Variants in AMMECR1L observed in about 807,000 individuals in gnomAD.
The protein encoded by AMMECR1L is AMMECR1 like, also known as AMMECR1-like protein.
In AMMECR1L, 4 loss-of-function variants were observed where a neutral mutation model predicts 36.8. That is an observed-to-expected ratio of 0.11 (90% confidence interval 0.05 to 0.25). The LOEUF (loss-of-function observed/expected upper bound fraction) is 0.25, where lower values mean the gene tolerates loss of function less well. Ranked by LOEUF, AMMECR1L falls within the 10% of genes least tolerant of loss-of-function variation. The pLI, the probability that AMMECR1L is intolerant of heterozygous loss-of-function variation, is 1.00. For synonymous variants in AMMECR1L, 147 were observed against 148.0 expected, an observed-to-expected ratio of 0.99 and a Z score of 0.05; for missense variants, 232 against 392.1, an observed-to-expected ratio of 0.59 and a Z score of 3.45.
chr2:127,866,977 T>C lies in AMMECR1L; in HGVS notation c.744A>G (p.Thr248=). ...AKEQDWDQIQ[T]IDSLLRKGGF... Reference sequence around the variant, plus strand: ...CACCTTTCCTGAGCAAGGAGTCTATTGTCTGGATCTGATCCCAGTCTGGGG... The same window carrying C: ...CACCTTTCCTGAGCAAGGAGTCTATCGTCTGGATCTGATCCCAGTCTGGGG... Residue 248 remains threonine (T), a synonymous_variant, in exon 7 of 8, where the codon ACA becomes ACG. Transcript: ENST00000272647. 2 of 1,614,216 alleles carry C rather than the reference T, an allele frequency of 1.2e-6. No individual in the cohort carries two copies. Among genetic ancestry groups the C allele is most frequent in the Non-Finnish European group, 1.7e-6 (2 of 1,180,034 alleles).
At position 127,877,299 on chromosome 2, in the gene AMMECR1L, T is replaced by C. The variant is rs72965755; in HGVS notation, c.-38-3027A>G. ...ATGATGCTACCATCATTTTACATTT[T>C]ACAGCATCCACACTGCCACTAAGTG... On this transcript the variant is annotated intron_variant, in intron 2 of 7. Coordinates refer to ENST00000272647, the MANE Select transcript of AMMECR1L (RefSeq NM_001199140.2). 8.5e-3 allele frequency among the ~76,000 whole-genome samples: 1,282 copies of C among 150,688 alleles called. 15 individuals are homozygous for C. Among genetic ancestry groups the C allele is most frequent in the African/African-American group, 0.029 (1,178 of 41,036 alleles).
At position 127,865,265 on chromosome 2, in the gene AMMECR1L, C is replaced by T; in HGVS notation, c.822-60G>A. On this transcript the variant is annotated intron_variant, in intron 7 of 7. Coordinates refer to ENST00000272647, the MANE Select transcript of AMMECR1L (RefSeq NM_001199140.2). The surrounding 1 kb of genome is among the most constrained non-coding windows in gnomAD (Gnocchi z 5.4). ...CCAAACGCTTCATTTTGTAAAGTCA[C>T]TCAGCAGAGAAAAACCAAAAGCTTA... 8.1e-7 allele frequency: 1 copy of T among 1,240,616 alleles called. No homozygotes were observed. The allele number at this position is 1,240,616 out of a possible 1,614,324, so 76.9% of individuals were successfully genotyped here. A position where few individuals can be genotyped will look rare whatever the true frequency, so the allele number is the denominator to read the frequency against.
intron 6 of AMMECR1L, among the ~76,000 whole-genome samples, chr2:127,867,770 CAGGAAG>C (rs542463591): frequency 9.5e-4 from 144 of 151,626 alleles, no homozygotes; most frequent in Middle Eastern, 6.8e-3. Context: ...AAGGGAAAGA[CAGGAAG>C]AGGAAGAGGA....
intron 2 of AMMECR1L, among the ~76,000 whole-genome samples, chr2:127,879,212 G>GTTA (rs1002380454): frequency 6.6e-6 from 1 of 152,214 alleles, no homozygotes; most frequent in African/African-American, 2.4e-5. Flanking sequence ...AATCCCCAGT[G>GTTA]TTAGCTGTGG....
chr2:127,879,248 C>T (rs1691383999), intron 2 of AMMECR1L, among the ~76,000 whole-genome samples: 1 of 152,186 alleles, frequency 6.6e-6, no homozygotes, highest in Non-Finnish European at 1.5e-5. Context: ...GACTGGATCA[C>T]GGGGGTGGAT....
Position 127,884,651 on chromosome 2 carries a change from G to A in AMMECR1L, c.-148-339C>T, listed in dbSNP as rs372516540. 8 of 152,302 alleles carry A rather than the reference G, an allele frequency of 5.3e-5. No individual in the cohort carries two copies. The East Asian group carries it at 1.4e-3, about 26-fold the overall frequency. The allele number at this position is 152,302 out of a possible 1,614,324, so 9.4% of individuals were successfully genotyped here. A position where few individuals can be genotyped will look rare whatever the true frequency, so the allele number is the denominator to read the frequency against. ...AGCAAAAGTTGCTCTCAGGCCAGAA[G>A]AGACCATTTAAAAGCTCTCCGCCGG... On this transcript the variant is annotated intron_variant, in intron 1 of 7. Transcript: ENST00000272647.
At chr2:127,878,370 C>G (rs559099546) in intron 2 of AMMECR1L, among the ~76,000 whole-genome samples, 7 of 152,274 alleles carry the variant, frequency 4.6e-5, no homozygotes, top group African/African-American at 1.7e-4. Flanking sequence ...TTTAATAGGG[C>G]TCTGAGGCTC....
At chr2:127,878,905 G>C (rs1691367189) in intron 2 of AMMECR1L, among the ~76,000 whole-genome samples, 1 of 152,140 alleles carries the variant, frequency 6.6e-6, no homozygotes, top group Non-Finnish European at 1.5e-5. Context: ...TTCTTTAAAA[G>C]CTTATTCCAT....
intron 2 of AMMECR1L, among the ~76,000 whole-genome samples, 151 bp downstream of exon 2, chr2:127,884,052 C>G (rs989102890): frequency 3.3e-5 from 5 of 152,144 alleles, no homozygotes; most frequent in African/African-American, 7.2e-5. Flanking sequence ...TAAAAGGGAA[C>G]AAGCGGAAAA....
At chr2:127,866,027 A>G (rs2104742438) in intron 7 of AMMECR1L, among the ~76,000 whole-genome samples, 1 of 152,374 alleles carries the variant, frequency 6.6e-6, no homozygotes, top group East Asian at 1.9e-4. Context: ...TTGTATTTGA[A>G]GAGTTTTTTG....
chr2:127,880,994 T>C (rs1691476650), intron 2 of AMMECR1L, among the ~76,000 whole-genome samples: 3 of 152,178 alleles, frequency 2.0e-5, no homozygotes, highest in Admixed American at 2.0e-4. Context: ...CTGTGGATAA[T>C]TCATTTTAAA....
At position 127,873,594 on chromosome 2, in the gene AMMECR1L, G is replaced by C; in HGVS notation, c.407+234C>G. Reference sequence around the variant, plus strand: ...CAAGAATGAACTCACTTGATTTCCAGAACATTACTTTAACAACAAGCCTAC... The same window carrying C: ...CAAGAATGAACTCACTTGATTTCCACAACATTACTTTAACAACAAGCCTAC... On this transcript the variant is annotated intron_variant, in intron 3 of 7. Coordinates refer to ENST00000272647, the MANE Select transcript of AMMECR1L (RefSeq NM_001199140.2). This position sits in a 1 kb window ranked among gnomAD's most constrained non-coding sequence, Gnocchi z 5.2. 5 of 985,442 alleles carry C rather than the reference G, an allele frequency of 5.1e-6. No individual in the cohort carries two copies. Among genetic ancestry groups the C allele is most frequent in the Non-Finnish European group, 6.0e-6 (5 of 829,938 alleles). 61.0% of individuals were successfully genotyped at this position (985,442 alleles called of 1,614,324 possible). A position where few individuals can be genotyped will look rare whatever the true frequency, so the allele number is the denominator to read the frequency against.
In AMMECR1L at chr2:127,876,848, T is replaced by C. The variant is rs182425940; in HGVS notation, c.-38-2576A>G. 3.5e-3 allele frequency among the ~76,000 whole-genome samples: 535 copies of C among 151,918 alleles called. 2 individuals are homozygous for C. Among genetic ancestry groups the C allele is most frequent in the Non-Finnish European group, 6.1e-3 (412 of 67,956 alleles). ...GCCTGACCAACATGGAGAAACCTCATCTCTACTAAAAATACAAAATTAGCT... is the reference window on the plus strand; with the variant it reads ...GCCTGACCAACATGGAGAAACCTCACCTCTACTAAAAATACAAAATTAGCT... On this transcript the variant is annotated intron_variant, in intron 2 of 7. Coordinates refer to ENST00000272647, the MANE Select transcript of AMMECR1L (RefSeq NM_001199140.2).
At chr2:127,877,041 A>ATATG (rs1012599410) in intron 2 of AMMECR1L, among the ~76,000 whole-genome samples, 4 of 133,604 alleles carry the variant, frequency 3.0e-5, no homozygotes, top group Non-Finnish European at 6.2e-5. Context: ...ATATACATAT[A>ATATG]TATATATATA....
At position 127,869,704 on chromosome 2, in the gene AMMECR1L, G is replaced by C. The variant is rs963573453; in HGVS notation, c.634-160C>G. Among the ~76,000 whole-genome samples, 7 of 152,232 alleles carry C rather than the reference G, an allele frequency of 4.6e-5. No homozygotes were observed. The highest frequency in any genetic ancestry group is 1.7e-4 in the African/African-American group (7 of 41,456). The stretch of plus-strand genomic sequence containing the variant: ...GACTAATTCTATCTCAGGAGGTATA[G>C]AGGCCAAAGAAAGTTCTGCTTTTAG... On this transcript the variant is annotated intron_variant, in intron 5 of 7. Coordinates refer to ENST00000272647, the MANE Select transcript of AMMECR1L (RefSeq NM_001199140.2). This position sits in a 1 kb window ranked among gnomAD's most constrained non-coding sequence, Gnocchi z 4.7.
rs1691127963 is a variant in AMMECR1L, at chr2:127,874,333, C to T, written c.-38-61G>A. On this transcript the variant is annotated intron_variant, in intron 2 of 7. Transcript: ENST00000272647. This position sits in a 1 kb window ranked among gnomAD's most constrained non-coding sequence, Gnocchi z 5.2. Reference sequence around the variant, plus strand: ...GGTTAGTTAAAAGGAGAGGAAAAAACATCAAAGATAGAGAGTCTGCATTGA... The same window carrying T: ...GGTTAGTTAAAAGGAGAGGAAAAAATATCAAAGATAGAGAGTCTGCATTGA... 1 of 1,463,136 alleles carries T rather than the reference C, an allele frequency of 6.8e-7. No homozygotes were observed. Among genetic ancestry groups the T allele is most frequent in the East Asian group, 2.4e-5 (1 of 42,328 alleles). The allele number at this position is 1,463,136 out of a possible 1,614,324, so 90.6% of individuals were successfully genotyped here. A position where few individuals can be genotyped will look rare whatever the true frequency, so the allele number is the denominator to read the frequency against.
At chr2:127,876,873 TG>T (rs1691265235) in intron 2 of AMMECR1L, among the ~76,000 whole-genome samples, 1 of 151,814 alleles carries the variant, frequency 6.6e-6, no homozygotes, top group African/African-American at 2.4e-5. Flanking sequence ...CAAAATTAGC[TG>T]GGCATGGTGG....
intron 2 of AMMECR1L, among the ~76,000 whole-genome samples, chr2:127,883,103 C>T (rs977328855): frequency 4.8e-4 from 68 of 141,484 alleles, no homozygotes; most frequent in East Asian, 1.0e-3. Context: ...AATTTCTTTT[C>T]TTTTTTTTTT....
chr2:127,865,793 T>C lies in AMMECR1L; in HGVS notation c.822-588A>G, dbSNP rs1331575951. Among the ~76,000 whole-genome samples, 1 of 152,226 alleles carries C rather than the reference T, an allele frequency of 6.6e-6. No homozygotes were observed. Among genetic ancestry groups the C allele is most frequent in the Non-Finnish European group, 1.5e-5 (1 of 68,040 alleles). ...CACAGGGTCGTCAGAACAGAATTCA[T>C]AGCACTTTGGCTGTGCTCTGGAAAG... On this transcript the variant is annotated intron_variant, in intron 7 of 7. Transcript: ENST00000272647. The surrounding 1 kb of genome is among the most constrained non-coding windows in gnomAD (Gnocchi z 5.4).
Sources: gnomAD v4.1 joint callset for allele counts (sites outside exome capture counted in the v4.1 genomes callset) on GRCh38, gnomAD v4.1.1 for gene constraint, Gnocchi (gnomAD v3.1) non-coding constraint, MANE v1.5 for transcripts, NCBI Gene and HGNC (gene_info 2026-07-23, HGNC 2026-07-21) for gene names.